Variants in NRG3 observed in about 807,000 individuals in gnomAD.
The protein encoded by NRG3 is neuregulin 3.
In NRG3, 31 loss-of-function variants were observed where a neutral mutation model predicts 66.9. That is an observed-to-expected ratio of 0.46 (90% CI 0.35 to 0.63). The LOEUF is 0.63. Ranked by LOEUF, NRG3 falls within the 20% of genes least tolerant of loss-of-function variation. The probability of loss-of-function intolerance (pLI) is 0.00; values close to 1 mark genes in which losing one functional copy is unlikely to be tolerated. For synonymous variants in NRG3, 393 were observed against 359.4 expected (o/e 1.09, Z -1.06); for missense variants, 910 against 878.9 (o/e 1.04, Z -0.45).
At chr10:82,047,411 C>T (rs1052469017) in intron 1 of NRG3, among the ~76,000 whole-genome samples, 1 of 152,020 alleles carries the variant, frequency 6.6e-6, no homozygotes, top group Admixed American at 6.6e-5. Flanking sequence ...CTAGGCAGAA[C>T]CTCTACAAGC....
At chr10:82,563,811 G>C (rs2045214412) in intron 2 of NRG3, among the ~76,000 whole-genome samples, 1 of 151,762 alleles carries the variant, frequency 6.6e-6, no homozygotes. Flanking sequence ...ATTAACTATA[G>C]ATACCAAGCT....
intron 1 of NRG3, among the ~76,000 whole-genome samples, chr10:82,127,632 AG>A (rs1482408685): frequency 2.0e-5 from 3 of 151,980 alleles, no homozygotes; most frequent in Non-Finnish European, 4.4e-5. Flanking sequence ...AGTAAACCTG[AG>A]TGGAAGTGTG....
In NRG3 at chr10:82,924,231, T is replaced by C. The variant is rs115159902; in HGVS notation, c.1055-27238T>C. Among the ~76,000 whole-genome samples, 467 of 152,088 alleles carry C rather than the reference T, an allele frequency of 3.1e-3. 1 individual carries two copies. The highest frequency in any genetic ancestry group is 0.011 in the African/African-American group (449 of 41,482). On this transcript the variant is annotated intron_variant, in intron 4 of 8. Transcript: ENST00000372141. ...AGGTTTCCAGAACCCAAAAGGAGCA[T>C]TGGGAGTTTGTCACTGAGACCTCAG... is the stretch of plus-strand genomic sequence containing the variant.
chr10:82,178,145 A>G (rs2073169574), intron 1 of NRG3, among the ~76,000 whole-genome samples: 1 of 152,222 alleles, frequency 6.6e-6, no homozygotes, highest in Non-Finnish European at 1.5e-5. Context: ...AAATATTCTA[A>G]TGAAAAATAA....
At chr10:82,134,802 T>G (rs1375986586) in intron 1 of NRG3, among the ~76,000 whole-genome samples, 1 of 152,008 alleles carries the variant, frequency 6.6e-6, no homozygotes, top group African/African-American at 2.4e-5. Flanking sequence ...TAAATTTATG[T>G]TCATCTAAAT....
intron 1 of NRG3, among the ~76,000 whole-genome samples, chr10:82,210,489 T>C (rs1202851101): frequency 1.3e-5 from 2 of 152,064 alleles, no homozygotes; most frequent in Admixed American, 6.6e-5. Context: ...GGGGGTTGAA[T>C]GGAGATTGGG....
chr10:81,982,449 A>G (rs1254747318), intron 1 of NRG3, among the ~76,000 whole-genome samples: 1 of 152,184 alleles, frequency 6.6e-6, no homozygotes, highest in Non-Finnish European at 1.5e-5. Flanking sequence ...CTGCTTCCAC[A>G]TTTTTAGGTG....
At position 82,959,560 on chromosome 10, in the gene NRG3, A is replaced by C. The variant is rs548452255; in HGVS notation, c.1284+485A>C. Among the ~76,000 whole-genome samples, 5 of 152,278 alleles carry C rather than the reference A, an allele frequency of 3.3e-5. No homozygotes were observed. In the East Asian group the frequency reaches 9.7e-4, roughly 29 times the overall value. The stretch of plus-strand genomic sequence containing the variant: ...GGGTAGACTTGGGGGCTGCCTCACA[A>C]CAGAGTCGGACTCGGACTGGGTTTG... On this transcript the variant is annotated intron_variant, in intron 6 of 8. Coordinates refer to ENST00000372141, the MANE Select transcript of NRG3 (RefSeq NM_001010848.4).
At chr10:82,166,582 T>G in intron 1 of NRG3, 1 of 291,084 alleles carries the variant, frequency 3.4e-6, no homozygotes, top group Non-Finnish European at 6.1e-6. Flanking sequence ...GCATTGCTAT[T>G]ATTTTTGTTT....
At chr10:82,115,486 T>C (rs1426216911) in intron 1 of NRG3, among the ~76,000 whole-genome samples, 1 of 152,182 alleles carries the variant, frequency 6.6e-6, no homozygotes, top group African/African-American at 2.4e-5. Context: ...CAGCCTTTTT[T>C]CTGAATTTTA....
chr10:82,035,905 A>C (rs1352230101), intron 1 of NRG3, among the ~76,000 whole-genome samples: 1 of 152,114 alleles, frequency 6.6e-6, no homozygotes, highest in Non-Finnish European at 1.5e-5. Flanking sequence ...AGATTGGGCA[A>C]CCTGAATTTT....
At chr10:82,352,069 C>T (rs1377158745) in intron 1 of NRG3, among the ~76,000 whole-genome samples, 2 of 152,180 alleles carry the variant, frequency 1.3e-5, no homozygotes, top group African/African-American at 4.8e-5. Context: ...AAAATCTCAT[C>T]TACAATAGTT....
chr10:82,715,278 G>C (rs2056906908), intron 2 of NRG3, among the ~76,000 whole-genome samples: 1 of 152,174 alleles, frequency 6.6e-6, no homozygotes, highest in African/African-American at 2.4e-5. Flanking sequence ...CACGCCTGTA[G>C]TCCCAACCGC....
At chr10:82,594,745 T>C (rs1028012536) in intron 2 of NRG3, among the ~76,000 whole-genome samples, 2 of 152,148 alleles carry the variant, frequency 1.3e-5, no homozygotes, top group Non-Finnish European at 1.5e-5. Context: ...GTCTTACTTA[T>C]ATACAATTTC....
At chr10:82,714,503 T>G (rs951038110) in intron 2 of NRG3, among the ~76,000 whole-genome samples, 7 of 152,234 alleles carry the variant, frequency 4.6e-5, no homozygotes, top group African/African-American at 1.7e-4. Context: ...AGAAACAATG[T>G]TTTCTGCTTC....
chr10:82,061,859 T>TCACA (rs1286827197), intron 1 of NRG3, among the ~76,000 whole-genome samples: 1 of 148,880 alleles, frequency 6.7e-6, no homozygotes, highest in Admixed American at 6.7e-5. Context: ...TCTCTCTCTC[T>TCACA]CTCACACACA....
chr10:82,364,343 A>C (rs1359362948), intron 2 of NRG3, among the ~76,000 whole-genome samples: 2 of 152,216 alleles, frequency 1.3e-5, no homozygotes, highest in East Asian at 1.9e-4. Context: ...CATGTTTTGA[A>C]AACATTAAAA....
At chr10:82,588,593 C>T (rs1400707879) in intron 2 of NRG3, among the ~76,000 whole-genome samples, 1 of 152,020 alleles carries the variant, frequency 6.6e-6, no homozygotes, top group Admixed American at 6.5e-5. Context: ...AGCTCCGCCT[C>T]CCGGGTTCAA....
chr10:82,574,786 C>G (rs1354133944), intron 2 of NRG3, among the ~76,000 whole-genome samples: 1 of 151,734 alleles, frequency 6.6e-6, no homozygotes, highest in Non-Finnish European at 1.5e-5. Context: ...TTAATTGAAG[C>G]ATGTTTTACT....
Sources: allele counts gnomAD v4.1 joint callset (sites outside exome capture counted in the v4.1 genomes callset), GRCh38; gene constraint gnomAD v4.1.1; transcripts MANE v1.5; gene names NCBI Gene and HGNC (gene_info 2026-07-23, HGNC 2026-07-21).